Variants in S100Z observed in about 807,000 individuals in gnomAD.
S100Z encodes S100 calcium binding protein Z, also known as protein S100-Z.
S100Z carries 11 observed loss-of-function variants against 8.5 expected under a neutral mutation model. The ratio of observed to expected loss-of-function variants is 1.30; its 90% CI spans 0.82 to 2.15. The LOEUF is 2.15. Among genes scored for constraint, S100Z ranks in the 30% most tolerant of loss-of-function variants. The probability of loss-of-function intolerance (pLI) is 0.00; values close to 1 mark genes in which losing one functional copy is unlikely to be tolerated. For missense variants in S100Z, 126 were observed against 117.9 expected (o/e 1.07, Z -0.32); for synonymous variants, 34 against 43.8 (o/e 0.78, Z 0.89).
chr5:76,884,521 A>G (rs1174661459), intron 4 of S100Z, among the ~76,000 whole-genome samples: 2 of 152,170 alleles, frequency 1.3e-5, no homozygotes, highest in African/African-American at 4.8e-5. Context: ...TGTAGGACAG[A>G]GTTAGATATC....
chr5:76,863,591 T>C (rs541938860), intron 1 of S100Z, among the ~76,000 whole-genome samples: 31 of 152,302 alleles, frequency 2.0e-4, no homozygotes, highest in South Asian at 1.0e-3. Flanking sequence ...CAGGCTGGAG[T>C]GCAGTGGCGC....
At chr5:76,895,977 G>C (rs1744024585) in intron 4 of S100Z, among the ~76,000 whole-genome samples, 1 of 151,846 alleles carries the variant, frequency 6.6e-6, no homozygotes, top group African/African-American at 2.4e-5. Context: ...TGGCCAGGCT[G>C]CTCTTGAACT....
At chr5:76,889,885 A>G (rs764621141) in intron 4 of S100Z, among the ~76,000 whole-genome samples, 6 of 152,196 alleles carry the variant, frequency 3.9e-5, no homozygotes, top group Non-Finnish European at 7.3e-5. Context: ...AATGTTTAAC[A>G]TTTTCTCATT....
At chr5:76,942,176 G>A in the S100Z span, among the ~76,000 whole-genome samples, 49 of 151,924 alleles carry the variant, frequency 3.2e-4, no homozygotes, top group African/African-American at 1.1e-3. Flanking sequence ...GTGCAGTGGT[G>A]CGATCTTTGC....
chr5:76,856,575 C>G (rs1406631222), intron 1 of S100Z, among the ~76,000 whole-genome samples: 1 of 152,198 alleles, frequency 6.6e-6, no homozygotes, highest in Non-Finnish European at 1.5e-5. Flanking sequence ...AATACGCTTG[C>G]TGACAAAAGT....
rs191334034 is a variant in S100Z at position 76,879,982 on chromosome 5, G to A, written c.*2+2148G>A. On this transcript the variant is annotated intron_variant, in intron 4 of 4. Coordinates refer to ENST00000317593, the MANE Select transcript of S100Z (RefSeq NM_130772.4). The stretch of plus-strand genomic sequence containing the variant: ...CTGTTTATTTCACCTGGGTGCAGGT[G>A]GGCTGAGTCCGAAAAGAGAGTCAGC... Among the ~76,000 whole-genome samples, 331 of 152,264 alleles carry A rather than the reference G, an allele frequency of 2.2e-3. 2 individuals carry two copies. Among genetic ancestry groups the A allele is most frequent in the Non-Finnish European group, 3.8e-3 (260 of 68,014 alleles).
the S100Z span, among the ~76,000 whole-genome samples, chr5:76,935,275 A>G: frequency 6.6e-6 from 1 of 152,218 alleles, no homozygotes; most frequent in African/African-American, 2.4e-5. Context: ...TAATTTAGCT[A>G]AAATTATTTG....
intron 4 of S100Z, among the ~76,000 whole-genome samples, chr5:76,919,986 G>C (rs188540602): frequency 3.3e-4 from 49 of 148,038 alleles, no homozygotes; most frequent in African/African-American, 1.2e-3. Flanking sequence ...TTGGCTCACT[G>C]CAACCTCCGC....
chr5:76,888,783 C>T (rs1290701911), intron 4 of S100Z, among the ~76,000 whole-genome samples: 1 of 152,190 alleles, frequency 6.6e-6, no homozygotes, highest in East Asian at 1.9e-4. Flanking sequence ...AGAGCCAGGC[C>T]AGCAACCTCT....
intron 4 of S100Z, among the ~76,000 whole-genome samples, chr5:76,884,913 A>T (rs2150652299): frequency 6.6e-6 from 1 of 152,244 alleles, no homozygotes; most frequent in East Asian, 1.9e-4. Flanking sequence ...ACAGGAGAGA[A>T]AGAAGAAAGA....
At chr5:76,952,128 T>G in the S100Z span, among the ~76,000 whole-genome samples, 1 of 152,218 alleles carries the variant, frequency 6.6e-6, no homozygotes, top group African/African-American at 2.4e-5. Flanking sequence ...TAAGCAGAGA[T>G]AAGCTTATAC....
At chr5:76,916,423 A>G (rs1407028269) in intron 4 of S100Z, among the ~76,000 whole-genome samples, 1 of 152,034 alleles carries the variant, frequency 6.6e-6, no homozygotes, top group Non-Finnish European at 1.5e-5. Flanking sequence ...AAATAACATG[A>G]CCATCAATTA....
chr5:76,923,260 A>G (rs1745080102), downstream of S100Z, among the ~76,000 whole-genome samples: 1 of 152,132 alleles, frequency 6.6e-6, no homozygotes, highest in Non-Finnish European at 1.5e-5. Context: ...CCCCATGCCT[A>G]TGTTGTAGAA....
At chr5:76,878,485 G>T (rs893446909) in intron 4 of S100Z, among the ~76,000 whole-genome samples, 1 of 152,106 alleles carries the variant, frequency 6.6e-6, no homozygotes, top group South Asian at 2.1e-4. Context: ...GCTGAGCCTC[G>T]GTAGGCCCCA....
chr5:76,875,088 T>C (rs564727906), intron 2 of S100Z, among the ~76,000 whole-genome samples: 3 of 152,110 alleles, frequency 2.0e-5, no homozygotes, highest in Non-Finnish European at 2.9e-5. Flanking sequence ...AGACGGGGTT[T>C]CACCGTGTTA....
intron 4 of S100Z, among the ~76,000 whole-genome samples, chr5:76,906,669 G>A (rs1744431807): frequency 6.7e-6 from 1 of 150,368 alleles, no homozygotes. Flanking sequence ...GTCAAGCTCT[G>A]TCACCCAGGC....
chr5:76,903,662 C>T (rs1024705897), intron 4 of S100Z, among the ~76,000 whole-genome samples: 1 of 151,778 alleles, frequency 6.6e-6, no homozygotes, highest in African/African-American at 2.4e-5. Context: ...ATCTGTATTT[C>T]CCTAACAATG....
chr5:76,924,562 T>C (rs960040447), downstream of S100Z, among the ~76,000 whole-genome samples: 1 of 152,152 alleles, frequency 6.6e-6, no homozygotes, highest in South Asian at 2.1e-4. Context: ...GGCAGTAGTA[T>C]TAGTTCCCTG....
intron 4 of S100Z, among the ~76,000 whole-genome samples, chr5:76,915,027 C>T (rs548666002): frequency 1.6e-3 from 247 of 152,270 alleles, no homozygotes; most frequent in African/African-American, 5.8e-3. Flanking sequence ...CACATAAGGC[C>T]GGGCACGGTG....
Sources: gnomAD v4.1 joint callset for allele counts (sites outside exome capture counted in the v4.1 genomes callset) on GRCh38, gnomAD v4.1.1 for gene constraint, MANE v1.5 for transcripts, NCBI Gene and HGNC (gene_info 2026-07-23, HGNC 2026-07-21) for gene names.